The following CADM2 variants were observed in gnomAD, a reference collection of about 807,000 sequenced individuals.
The protein encoded by CADM2 is cell adhesion molecule 2, also known as immunoglobulin superfamily member 4D.
CADM2 carries 12 observed loss-of-function variants against 49.8 expected under a neutral mutation model. That is an observed-to-expected ratio of 0.24 (90% CI 0.15 to 0.39). CADM2 has a LOEUF of 0.39. CADM2 is among the 10% of genes least tolerant of loss of function. The pLI, the probability that CADM2 is intolerant of heterozygous loss-of-function variation, is 1.00. For synonymous variants in CADM2, 214 were observed against 175.4 expected, an observed-to-expected ratio of 1.22 and a Z score of -1.74; for missense variants, 378 against 492.3, an observed-to-expected ratio of 0.77 and a Z score of 2.20.
intron 1 of CADM2, among the ~76,000 whole-genome samples, chr3:85,606,083 T>G (rs375183081): frequency 6.6e-6 from 1 of 152,128 alleles, no homozygotes; most frequent in South Asian, 2.1e-4. Flanking sequence ...GAATAGAGAC[T>G]GAGCATGCAT....
At chr3:85,527,263 A>G (rs1487401478) in intron 1 of CADM2, among the ~76,000 whole-genome samples, 3 of 151,526 alleles carry the variant, frequency 2.0e-5, no homozygotes, top group Non-Finnish European at 4.4e-5. Flanking sequence ...CATCATGTCT[A>G]TACTTCCATC....
At chr3:85,718,886 TTATTA>T (rs2067396296) in intron 1 of CADM2, among the ~76,000 whole-genome samples, 12 of 39,844 alleles carry the variant, frequency 3.0e-4, no homozygotes, top group African/African-American at 7.8e-4. Flanking sequence ...TGGTATTTTA[TTATTA>T]TTATTATTAT....
At chr3:84,974,785 T>C (rs2031704404) in intron 1 of CADM2, among the ~76,000 whole-genome samples, 1 of 151,978 alleles carries the variant, frequency 6.6e-6, no homozygotes, top group Admixed American at 6.6e-5. Flanking sequence ...ACTTACCTCA[T>C]TTCTGTAACA....
At chr3:85,123,721 A>G (rs2038938968) in intron 1 of CADM2, among the ~76,000 whole-genome samples, 1 of 152,290 alleles carries the variant, frequency 6.6e-6, no homozygotes, top group African/African-American at 2.4e-5. Context: ...ACACATACAC[A>G]TATACATATT....
intron 1 of CADM2, among the ~76,000 whole-genome samples, chr3:85,102,876 C>G (rs1310257949): frequency 6.6e-6 from 1 of 152,116 alleles, no homozygotes; most frequent in Admixed American, 6.6e-5. Flanking sequence ...AAAGGGCACT[C>G]ATAAATATTT....
At chr3:85,595,759 A>T (rs960399179) in intron 1 of CADM2, among the ~76,000 whole-genome samples, 2 of 152,006 alleles carry the variant, frequency 1.3e-5, no homozygotes, top group African/African-American at 4.8e-5. Context: ...GTAATATTTA[A>T]GTGCAATATG....
chr3:85,824,056 G>A (rs1387924079), intron 3 of CADM2, among the ~76,000 whole-genome samples: 1 of 152,090 alleles, frequency 6.6e-6, no homozygotes. Context: ...TATGCATTTC[G>A]CTGTTGTAAT....
intron 1 of CADM2, among the ~76,000 whole-genome samples, chr3:85,594,312 A>T (rs974996834): frequency 2.6e-5 from 4 of 151,914 alleles, no homozygotes; most frequent in African/African-American, 9.7e-5. Flanking sequence ...AGGGTTAATA[A>T]AATATGAAAT....
At chr3:85,352,005 C>G (rs2031398620) in intron 1 of CADM2, among the ~76,000 whole-genome samples, 1 of 151,962 alleles carries the variant, frequency 6.6e-6, no homozygotes, top group Non-Finnish European at 1.5e-5. Flanking sequence ...ATTAGAAATA[C>G]TGTTTAAGTC....
chr3:85,910,110 T>G (rs554171101), intron 5 of CADM2, among the ~76,000 whole-genome samples: 1 of 152,316 alleles, frequency 6.6e-6, no homozygotes, highest in Admixed American at 6.5e-5. Context: ...CAATTAATAT[T>G]ACATTAAATG....
chr3:85,712,542 G>A (rs1026212597), intron 1 of CADM2, among the ~76,000 whole-genome samples: 1 of 152,086 alleles, frequency 6.6e-6, no homozygotes. Flanking sequence ...TACATTTTCT[G>A]AAACTGAACA....
At chr3:85,369,618 G>T (rs1576432236) in intron 1 of CADM2, among the ~76,000 whole-genome samples, 1 of 152,286 alleles carries the variant, frequency 6.6e-6, no homozygotes, top group African/African-American at 2.4e-5. Flanking sequence ...ATACTGTGAA[G>T]GAGAACTGTG....
chr3:85,154,175 A>G (rs1432341643), intron 1 of CADM2, among the ~76,000 whole-genome samples: 1 of 152,180 alleles, frequency 6.6e-6, no homozygotes. Flanking sequence ...AAAGGCAAAG[A>G]AGTTGAAAAC....
rs556122611 is a variant in CADM2 at position 86,067,063 on chromosome 3, T to A, written c.*280T>A. 4 of 325,608 alleles carry A rather than the reference T, an allele frequency of 1.2e-5. No individual in the cohort carries two copies. Among genetic ancestry groups the A allele is most frequent in the Admixed American group, 4.5e-5 (1 of 22,062 alleles). 20.2% of individuals were successfully genotyped at this position (325,608 alleles called of 1,614,324 possible). ...TATACAGCCTTAACAATGTTAATCA[T>A]CTCCTTGGATCATTATATTGAGTGG... On this transcript the variant is annotated 3_prime_UTR_variant, in exon 10 of 10. Transcript: ENST00000383699.
chr3:85,636,223 C>G (rs1316816332), intron 1 of CADM2, among the ~76,000 whole-genome samples: 1 of 152,108 alleles, frequency 6.6e-6, no homozygotes, highest in Non-Finnish European at 1.5e-5. Context: ...TGAAGACCTT[C>G]CAGTGGGACA....
chr3:85,279,874 T>C (rs914018267), intron 1 of CADM2, among the ~76,000 whole-genome samples: 7 of 151,650 alleles, frequency 4.6e-5, no homozygotes, highest in African/African-American at 1.4e-4. Context: ...AACTTTTTAA[T>C]TGGGTTATTA....
chr3:85,044,115 T>C (rs1431615210), intron 1 of CADM2, among the ~76,000 whole-genome samples: 1 of 152,124 alleles, frequency 6.6e-6, no homozygotes, highest in Non-Finnish European at 1.5e-5. Flanking sequence ...CACCTTAGCT[T>C]ATTGCCAACC....
intron 1 of CADM2, among the ~76,000 whole-genome samples, chr3:85,365,039 A>T (rs1466924595): frequency 2.0e-5 from 3 of 152,022 alleles, no homozygotes; most frequent in Non-Finnish European, 4.4e-5. Flanking sequence ...GTTCTTAATC[A>T]ATAGTTTTTA....
chr3:85,379,756 T>A (rs148270919), intron 1 of CADM2, among the ~76,000 whole-genome samples: 4 of 152,022 alleles, frequency 2.6e-5, no homozygotes, highest in Admixed American at 2.6e-4. Context: ...TCAACAAAAA[T>A]ACATTTTATT....
Sources: gnomAD v4.1 joint callset for allele counts (sites outside exome capture counted in the v4.1 genomes callset) on GRCh38, gnomAD v4.1.1 for gene constraint, MANE v1.5 for transcripts, NCBI Gene and HGNC (gene_info 2026-07-23, HGNC 2026-07-21) for gene names.